The following ADGRA3 variants were observed in gnomAD, a reference collection of about 807,000 sequenced individuals.
ADGRA3 encodes the protein G-protein coupled receptor 125.
A neutral mutation model predicts 119.8 loss-of-function variants in ADGRA3; 56 were observed. The observed-to-expected ratio is 0.47, with a 90% CI of 0.38 to 0.58. The LOEUF is 0.58. ADGRA3 is among the 20% of genes least tolerant of loss of function. The pLI, the probability that ADGRA3 is intolerant of heterozygous loss-of-function variation, is 0.00. For missense variants in ADGRA3, 1,516 were observed against 1,649.0 expected (o/e 0.92, Z 1.40); for synonymous variants, 607 against 623.8 (o/e 0.97, Z 0.40).
intron 11 of ADGRA3, among the ~76,000 whole-genome samples, chr4:22,423,990 T>C (rs1345772805): frequency 6.6e-6 from 1 of 152,176 alleles, no homozygotes. Context: ...TAAAATGTTA[T>C]AACTTATAAA....
At chr4:22,469,469 C>T (rs2109114462) in intron 2 of ADGRA3, among the ~76,000 whole-genome samples, 1 of 152,312 alleles carries the variant, frequency 6.6e-6, no homozygotes, top group South Asian at 2.1e-4. Context: ...GACCCACACC[C>T]ACTTCTTCCC....
At chr4:22,472,228 C>T (rs1717881979) in intron 2 of ADGRA3, among the ~76,000 whole-genome samples, 1 of 152,140 alleles carries the variant, frequency 6.6e-6, no homozygotes, top group Admixed American at 6.5e-5. Context: ...AACCCAGTAA[C>T]TTTTCTTTGC....
intron 1 of ADGRA3, among the ~76,000 whole-genome samples, chr4:22,515,108 G>A (rs1009570665): frequency 4.6e-5 from 7 of 152,234 alleles, no homozygotes; most frequent in Admixed American, 6.5e-5. Context: ...TACCACGTAA[G>A]TGTAACTTAA....
rs142733316 is a variant in ADGRA3, at chr4:22,411,418, G to A, written c.2232+1764C>T. ...GATCAAGACCAGCCTGGGAAACATG[G>A]CAAAACCCAGTCTCTACTAAAAATA... is the stretch of plus-strand genomic sequence containing the variant. On this transcript the variant is annotated intron_variant, in intron 14 of 18. Coordinates refer to ENST00000334304, the MANE Select transcript of ADGRA3 (RefSeq NM_145290.4). Among the ~76,000 whole-genome samples the A allele has an allele frequency of 7.9e-5, 12 of 152,166 alleles. No individual in the cohort carries two copies. The East Asian group carries it at 1.9e-3, about 25-fold the overall frequency.
At chr4:22,437,459 A>C (rs543468315) in intron 8 of ADGRA3, among the ~76,000 whole-genome samples, 1 of 152,308 alleles carries the variant, frequency 6.6e-6, no homozygotes, top group Admixed American at 6.5e-5. Context: ...GGTAATAAAC[A>C]ATCTTTATGC....
At chr4:22,426,963 T>A (rs1335625537) in intron 10 of ADGRA3, among the ~76,000 whole-genome samples, 2 of 152,234 alleles carry the variant, frequency 1.3e-5, no homozygotes, top group African/African-American at 4.8e-5. Flanking sequence ...ACTCTTGCTA[T>A]GTCAGTTACT....
At chr4:22,390,104 G>A (rs1560291955) in intron 17 of ADGRA3, among the ~76,000 whole-genome samples, 1 of 151,832 alleles carries the variant, frequency 6.6e-6, no homozygotes, top group Non-Finnish European at 1.5e-5. Context: ...TTAGAGAGAT[G>A]CCAATAATAC....
At chr4:22,492,379 G>A (rs1030455833) in intron 1 of ADGRA3, among the ~76,000 whole-genome samples, 4 of 152,242 alleles carry the variant, frequency 2.6e-5, no homozygotes, top group Non-Finnish European at 2.9e-5. Context: ...GTAACTCACC[G>A]TTTTCCTTCA....
intron 16 of ADGRA3, chr4:22,398,214 A>C: frequency 1.2e-6 from 1 of 840,886 alleles, no homozygotes. Flanking sequence ...AACAGGTAAC[A>C]TTTATTGAAC....
intron 1 of ADGRA3, among the ~76,000 whole-genome samples, chr4:22,500,710 G>A (rs1719020348): frequency 6.6e-6 from 1 of 152,188 alleles, no homozygotes; most frequent in South Asian, 2.1e-4. Context: ...AGTAAGAGGT[G>A]CCCAGATAGC....
At position 22,424,306 on chromosome 4, in the gene ADGRA3, T is replaced by A. The variant is rs1715841920; in HGVS notation, c.1490A>T (p.Asp497Val). 6.2e-7 allele frequency: 1 copy of A among 1,613,946 alleles called. No individual in the cohort carries two copies. Residue 497 changes from aspartate (D) to valine (V), a missense_variant, in exon 11 of 19, where the codon GAT becomes GTT. Coordinates refer to ENST00000334304, the MANE Select transcript of ADGRA3 (RefSeq NM_145290.4). ...VDIASNIMLADERVLWLAQRE... is the reference protein window; with the variant it reads ...VDIASNIMLAVERVLWLAQRE... ...CTGCGCCAGCCACAGGACACGTTCATCAGCCAACATGATGTTACTTGCAAT... is the reference window on the plus strand; with the variant it reads ...CTGCGCCAGCCACAGGACACGTTCAACAGCCAACATGATGTTACTTGCAAT...
intron 16 of ADGRA3, among the ~76,000 whole-genome samples, chr4:22,397,744 T>A (rs1714425506): frequency 6.6e-6 from 1 of 152,158 alleles, no homozygotes; most frequent in Non-Finnish European, 1.5e-5. Flanking sequence ...GGATTTCCCC[T>A]GCACATGCGC....
At chr4:22,440,822 T>C (rs546543631) in intron 7 of ADGRA3, among the ~76,000 whole-genome samples, 2 of 152,280 alleles carry the variant, frequency 1.3e-5, no homozygotes, top group East Asian at 1.9e-4. Flanking sequence ...TTCTGACATA[T>C]GTATAGGCAT....
intron 10 of ADGRA3, among the ~76,000 whole-genome samples, chr4:22,429,523 T>C (rs1716074513): frequency 6.6e-6 from 1 of 152,180 alleles, no homozygotes; most frequent in East Asian, 1.9e-4. Flanking sequence ...AGACCCCCTG[T>C]TACAAAGCTA....
chr4:22,464,447 G>T (rs13139010), intron 2 of ADGRA3, among the ~76,000 whole-genome samples: 136,129 of 152,188 alleles, frequency 0.89, 62,032 homozygotes, highest in Non-Finnish European at 0.98. Flanking sequence ...TCCAACCAGT[G>T]TTTAAGTTCT....
chr4:22,458,166 G>A (rs1272314044), intron 3 of ADGRA3, among the ~76,000 whole-genome samples: 1 of 151,970 alleles, frequency 6.6e-6, no homozygotes, highest in African/African-American at 2.4e-5. Flanking sequence ...TTTCTGATAG[G>A]GTAGATCTTA....
Position 22,473,908 on chromosome 4 carries a change from T to C in ADGRA3, c.258-65A>G. 6 of 962,678 alleles carry C rather than the reference T, an allele frequency of 6.2e-6. No homozygotes were observed. In the East Asian group the frequency reaches 1.5e-4, roughly 24 times the overall value. The allele number at this position is 962,678 out of a possible 1,614,324, so 59.6% of individuals were successfully genotyped here. On this transcript the variant is annotated intron_variant, in intron 1 of 18. Transcript: ENST00000334304. ...ACTACCAATATCAAAGTAATTTAGCTTATTATGTTTAAACCTATGAGAAAT... is the reference window on the plus strand; with the variant it reads ...ACTACCAATATCAAAGTAATTTAGCCTATTATGTTTAAACCTATGAGAAAT...
Position 22,421,051 on chromosome 4 carries a change from C to T in ADGRA3, c.1644G>A (p.Lys548=). 1.2e-6 allele frequency: 2 copies of T among 1,614,002 alleles called. No homozygotes were observed. Among genetic ancestry groups the T allele is most frequent in the Non-Finnish European group, 1.7e-6 (2 of 1,179,922 alleles). The change falls in exon 12 of 19, where the codon AAG becomes AAA. Residue 548 remains lysine, a synonymous_variant. Coordinates refer to ENST00000334304, the MANE Select transcript of ADGRA3 (RefSeq NM_145290.4). ...PNIALEAYVI[K]STGFTGMTCT... ...AGGTCATCCCCGTGAAGCCAGTAGACTTGATGACATAAGCTTCCAGAGCAA... is the reference window on the plus strand; with the variant it reads ...AGGTCATCCCCGTGAAGCCAGTAGATTTGATGACATAAGCTTCCAGAGCAA...
rs779281824 is a variant in ADGRA3, at chr4:22,447,416, A to G, written c.545+24T>C. 4.5e-6 allele frequency: 6 copies of G among 1,340,644 alleles called. No individual in the cohort carries two copies. In the South Asian group the frequency reaches 8.4e-5, roughly 19 times the overall value. The allele number at this position is 1,340,644 out of a possible 1,614,324, so 83.0% of individuals were successfully genotyped here. A position where few individuals can be genotyped will look rare whatever the true frequency, so the allele number is the denominator to read the frequency against. Reference sequence around the variant, plus strand: ...AAAGACATGAAAATCAAAAAAAAAAAGAGAGAAAAAAATTCTTACTTACAA... The same window carrying G: ...AAAGACATGAAAATCAAAAAAAAAAGGAGAGAAAAAAATTCTTACTTACAA... On this transcript the variant is annotated intron_variant, in intron 5 of 18. Coordinates refer to ENST00000334304, the MANE Select transcript of ADGRA3 (RefSeq NM_145290.4).
Sources: allele counts gnomAD v4.1 joint callset (sites outside exome capture counted in the v4.1 genomes callset), GRCh38; gene constraint gnomAD v4.1.1; transcripts MANE v1.5; gene names NCBI Gene and HGNC (gene_info 2026-07-23, HGNC 2026-07-21).